Variants in CLUL1 observed in about 807,000 individuals in gnomAD.
CLUL1 encodes the protein clusterin like 1.
Under a neutral mutation model 49.4 loss-of-function variants are expected in CLUL1, and 43 were observed. That is an observed-to-expected ratio of 0.87 (90% confidence interval 0.68 to 1.12). The LOEUF is 1.12. Ranked by LOEUF, CLUL1 falls within the 50% of genes most tolerant of loss-of-function variation. CLUL1 has a pLI of 0.00. For synonymous variants in CLUL1, 192 were observed against 184.9 expected, an observed-to-expected ratio of 1.04 and a Z score of -0.31; for missense variants, 486 against 544.4, an observed-to-expected ratio of 0.89 and a Z score of 1.07.
Position 625,043 on chromosome 18 carries a change from AAG to A in CLUL1, c.423+16_423+17del, listed in dbSNP as rs767740274. On this transcript the variant is annotated intron_variant, in intron 5 of 9. Transcript: ENST00000692774. ...TCTGTGAAAAATAAGGTAAGAGAAA[AAG>A]AGAGCTCAAGATTTCACAGTTCTTG... 16 of 1,613,002 alleles carry A rather than the reference AAG, an allele frequency of 9.9e-6. No homozygotes were observed. The South Asian group carries it at 1.7e-4, about 17-fold the overall frequency.
At chr18:607,322 T>C (rs1318080410) in intron 2 of CLUL1, among the ~76,000 whole-genome samples, 1 of 152,146 alleles carries the variant, frequency 6.6e-6, no homozygotes, top group Non-Finnish European at 1.5e-5. Context: ...AGAGATGTGG[T>C]TTCACCATGT....
At chr18:629,812 T>G (rs971674737) in intron 6 of CLUL1, among the ~76,000 whole-genome samples, 1 of 152,242 alleles carries the variant, frequency 6.6e-6, no homozygotes, top group Non-Finnish European at 1.5e-5. Flanking sequence ...AGACACTGTC[T>G]TCCCAGATGA....
At chr18:602,979 C>T (rs1489331098) in intron 1 of CLUL1, among the ~76,000 whole-genome samples, 1 of 152,058 alleles carries the variant, frequency 6.6e-6, no homozygotes, top group Non-Finnish European at 1.5e-5. Flanking sequence ...AATTGTAAAG[C>T]ATTTGGATTT....
At chr18:608,504 CA>C (rs2073045085) in intron 2 of CLUL1, among the ~76,000 whole-genome samples, 2 of 100,212 alleles carry the variant, frequency 2.0e-5, no homozygotes, top group Non-Finnish European at 4.1e-5. Context: ...TTGATTAAAA[CA>C]AACAAACAAA....
chr18:603,034 G>C (rs905799093), intron 1 of CLUL1, among the ~76,000 whole-genome samples: 1 of 152,186 alleles, frequency 6.6e-6, no homozygotes, highest in African/African-American at 2.4e-5. Flanking sequence ...TTTGAGCAAA[G>C]AGGTACATGC....
At chr18:635,037 C>T (rs2074099570) in intron 7 of CLUL1, among the ~76,000 whole-genome samples, 2 of 152,162 alleles carry the variant, frequency 1.3e-5, no homozygotes, top group South Asian at 2.1e-4. Context: ...CAGAAATCAA[C>T]ATGTCAGTAA....
intron 6 of CLUL1, among the ~76,000 whole-genome samples, chr18:629,512 C>T (rs1020252602): frequency 1.3e-5 from 2 of 152,096 alleles, no homozygotes; most frequent in Admixed American, 6.6e-5. Context: ...ACTGTAACCC[C>T]CTCCCACACA....
At chr18:641,297 C>G (rs1171853535) in intron 7 of CLUL1, 30 bp from the exon 8 acceptor site, 1 of 1,598,212 alleles carries the variant, frequency 6.3e-7, no homozygotes, top group Non-Finnish European at 8.6e-7. Context: ...TGGACTTTTT[C>G]CTTCTCCACA....
chr18:613,458 A>AT (rs34283672), intron 2 of CLUL1, among the ~76,000 whole-genome samples: 32,508 of 120,684 alleles, frequency 0.27, 3,779 homozygotes, highest in South Asian at 0.36. Context: ...TTTAGTCTGA[A>AT]TTTTTTTTTT....
In CLUL1 at chr18:603,012, T is replaced by C. The variant is rs866168743; in HGVS notation, c.-135-3966T>C. 3.9e-5 allele frequency among the ~76,000 whole-genome samples: 6 copies of C among 152,216 alleles called. 1 individual carries two copies. The Middle Eastern group carries it at 0.017, about 431-fold the overall frequency. ...TTTTATTCTGAGGGTCACTGGGGTG[T>C]CATTAGAGACTTTTGAGCAAAGAGG... On this transcript the variant is annotated intron_variant, in intron 1 of 9. Transcript: ENST00000692774.
chr18:630,713 AGTCTC>A (rs1461497168), intron 6 of CLUL1, among the ~76,000 whole-genome samples: 1 of 101,722 alleles, frequency 9.8e-6, no homozygotes, highest in Admixed American at 1.5e-4. Context: ...TTTGAGACAG[AGTCTC>A]GCTCTGTCTT....
Position 638,631 on chromosome 18 carries a change from G to A in CLUL1, c.995-2696G>A, listed in dbSNP as rs557013345. 3.2e-3 allele frequency among the ~76,000 whole-genome samples: 487 copies of A among 152,276 alleles called. 3 individuals are homozygous for A. The highest frequency in any genetic ancestry group is 0.011 in the African/African-American group (461 of 41,538). The stretch of plus-strand genomic sequence containing the variant: ...CCAGGTCTTTGGGAGGCTGAGGCAG[G>A]TGAATCACTTGAGGTTAGGAGTTTG... On this transcript the variant is annotated intron_variant, in intron 7 of 9. Transcript: ENST00000692774.
In CLUL1 at chr18:611,551, G is replaced by A. The variant is rs146478322; in HGVS notation, c.-14+4452G>A. Among the ~76,000 whole-genome samples the A allele has an allele frequency of 3.5e-3, 535 of 151,976 alleles. 4 individuals carry two copies. Among genetic ancestry groups the A allele is most frequent in the African/African-American group, 0.012 (503 of 41,458 alleles). ...TGAATAGCCACTGCACTCTAGCCTG[G>A]GCAACATATCAAGACCCTGTTTCTA... On this transcript the variant is annotated intron_variant, in intron 2 of 9. Transcript: ENST00000692774.
intron 9 of CLUL1, among the ~76,000 whole-genome samples, chr18:649,404 G>A (rs1439248521): frequency 6.6e-6 from 1 of 152,166 alleles, no homozygotes; most frequent in Admixed American, 6.6e-5. Flanking sequence ...TTTGCAATGT[G>A]TTTTATTTCC....
intron 1 of CLUL1, among the ~76,000 whole-genome samples, chr18:599,204 ATGT>A (rs759691595): frequency 2.6e-5 from 4 of 152,202 alleles, no homozygotes; most frequent in Non-Finnish European, 4.4e-5. Context: ...CTTTAAGTGT[ATGT>A]TGTTGTTGTT....
intron 1 of CLUL1, chr18:598,362 GATGTGGCTGTTTCCCAAGTCTTCCTC>G (rs1007731383): frequency 2.0e-5 from 8 of 391,514 alleles, no homozygotes; most frequent in African/African-American, 1.7e-4. Context: ...CAAACAGTGA[GATGTGGCTGTTTCCCAAGTCTTCCTC>G]TCCAGTGTAA....
At chr18:601,757 C>T (rs1598406793) in intron 1 of CLUL1, among the ~76,000 whole-genome samples, 2 of 151,908 alleles carry the variant, frequency 1.3e-5, no homozygotes, top group East Asian at 1.9e-4. Context: ...TGCAGTGGGA[C>T]GAGATCGTGC....
At chr18:605,176 C>T (rs1020836797) in intron 1 of CLUL1, among the ~76,000 whole-genome samples, 7 of 152,176 alleles carry the variant, frequency 4.6e-5, no homozygotes, top group Non-Finnish European at 1.0e-4. Flanking sequence ...TAAAAGATAT[C>T]GCTGTTCTAA....
chr18:602,205 C>A (rs2072850820), intron 1 of CLUL1, among the ~76,000 whole-genome samples: 1 of 152,228 alleles, frequency 6.6e-6, no homozygotes, highest in Non-Finnish European at 1.5e-5. Flanking sequence ...CTAGGCTAAA[C>A]CTTGTGCTAC....
Sources: gnomAD v4.1 joint callset for allele counts (sites outside exome capture counted in the v4.1 genomes callset) on GRCh38, gnomAD v4.1.1 for gene constraint, MANE v1.5 for transcripts, NCBI Gene and HGNC (gene_info 2026-07-23, HGNC 2026-07-21) for gene names.